TIMP3: variants seen among roughly 807,000 people sequenced by gnomAD.
TIMP3 encodes the protein metalloproteinase inhibitor 3.
TIMP3 carries 11 observed loss-of-function variants against 30.0 expected under a neutral mutation model. The ratio of observed to expected loss-of-function variants is 0.37; its 90% CI spans 0.23 to 0.61. The LOEUF is 0.61. Among genes scored for constraint, TIMP3 ranks in the 20% least tolerant of loss-of-function variants. The pLI, the probability that TIMP3 is intolerant of heterozygous loss-of-function variation, is 0.70. For missense variants in TIMP3, 181 were observed against 276.8 expected, an observed-to-expected ratio of 0.65 and a Z score of 2.45; for synonymous variants, 112 against 111.3, an observed-to-expected ratio of 1.01 and a Z score of -0.04.
chr22:32,814,704 A>G (rs1033936238), intron 1 of TIMP3, among the ~76,000 whole-genome samples: 6 of 152,216 alleles, frequency 3.9e-5, no homozygotes, highest in African/African-American at 1.4e-4. Flanking sequence ...TTTTGTTTCA[A>G]AAAGTTAATT....
Position 32,859,643 on chromosome 22 carries a change from G to T in TIMP3, c.*266G>T. On this transcript the variant is annotated 3_prime_UTR_variant, in exon 5 of 5. Transcript: ENST00000266085. ...CCATGCCAGAAAGAATGAGGAACCT[G>T]TATTCCTCTTCTTCGTGATAATATA... 1 of 494,790 alleles carries T rather than the reference G, an allele frequency of 2.0e-6. No individual in the cohort carries two copies. The highest frequency in any genetic ancestry group is 3.6e-6 in the Non-Finnish European group (1 of 280,074). The allele number at this position is 494,790 out of a possible 1,614,324, so 30.6% of individuals were successfully genotyped here. A position where few individuals can be genotyped will look rare whatever the true frequency, so the allele number is the denominator to read the frequency against.
At chr22:32,820,379 G>T (rs941030380) in intron 1 of TIMP3, among the ~76,000 whole-genome samples, 1 of 130,310 alleles carries the variant, frequency 7.7e-6, no homozygotes, top group Non-Finnish European at 1.7e-5. Flanking sequence ...TGTGTGTGTG[G>T]TGTGTTCTAC....
At chr22:32,832,049 C>A (rs1045387805) in intron 1 of TIMP3, among the ~76,000 whole-genome samples, 5 of 152,166 alleles carry the variant, frequency 3.3e-5, no homozygotes, top group African/African-American at 1.2e-4. Flanking sequence ...GAATGTGCAG[C>A]TGATGGACCA....
intron 1 of TIMP3, among the ~76,000 whole-genome samples, chr22:32,831,208 GT>G (rs1382962238): frequency 1.3e-5 from 2 of 152,138 alleles, no homozygotes; most frequent in Non-Finnish European, 2.9e-5. Context: ...GCTCCTTCCT[GT>G]TTTAAAAACA....
chr22:32,854,355 T>C (rs1022057378), intron 2 of TIMP3, among the ~76,000 whole-genome samples: 2 of 152,062 alleles, frequency 1.3e-5, no homozygotes, highest in African/African-American at 2.4e-5. Flanking sequence ...TTTCGATGAG[T>C]TGAGTTCTTA....
chr22:32,829,394 T>G (rs950816015), intron 1 of TIMP3, among the ~76,000 whole-genome samples: 2 of 152,208 alleles, frequency 1.3e-5, no homozygotes, highest in African/African-American at 4.8e-5. Flanking sequence ...TGGCTCCCAG[T>G]TGGCACTTCA....
chr22:32,830,668 G>A (rs867340272), intron 1 of TIMP3, among the ~76,000 whole-genome samples: 4 of 151,552 alleles, frequency 2.6e-5, no homozygotes, highest in African/African-American at 9.7e-5. Context: ...CCACCCCCCC[G>A]CCCCCGCAAT....
At chr22:32,845,495 T>C (rs2048034985) in intron 1 of TIMP3, among the ~76,000 whole-genome samples, 1 of 152,100 alleles carries the variant, frequency 6.6e-6, no homozygotes, top group Admixed American at 6.5e-5. Context: ...CGGCCAGCCA[T>C]AAACTTTTAA....
intron 1 of TIMP3, among the ~76,000 whole-genome samples, chr22:32,810,884 G>C (rs2046898767): frequency 6.6e-6 from 1 of 152,156 alleles, no homozygotes; most frequent in Non-Finnish European, 1.5e-5. Flanking sequence ...TAAGCTCCCT[G>C]CCTTTTCGAT....
chr22:32,860,487 G>T lies in TIMP3; in HGVS notation c.*1110G>T, dbSNP rs1177526630. 2 of 152,524 alleles carry T rather than the reference G, an allele frequency of 1.3e-5. No individual in the cohort carries two copies. The highest frequency in any genetic ancestry group is 2.9e-5 in the Non-Finnish European group (2 of 68,010). 9.4% of individuals were successfully genotyped at this position (152,524 alleles called of 1,614,324 possible). On this transcript the variant is annotated 3_prime_UTR_variant, in exon 5 of 5. Coordinates refer to ENST00000266085, the MANE Select transcript of TIMP3 (RefSeq NM_000362.5). ...CCAATAGTTTAATCTCTTCTATTTT[G>T]TTGTCGTTGCTTGTTTGAAGAAAAT... is the stretch of plus-strand genomic sequence containing the variant.
Position 32,855,595 on chromosome 22 carries a change from T to A in TIMP3, c.205-1654T>A, listed in dbSNP as rs182037839. Among the ~76,000 whole-genome samples the A allele has an allele frequency of 7.2e-5, 11 of 152,274 alleles. No individual in the cohort carries two copies. The East Asian group carries it at 1.9e-3, about 27-fold the overall frequency. On this transcript the variant is annotated intron_variant, in intron 2 of 4. Transcript: ENST00000266085. ...AATGGGCATAATAGTTCCTACCTCA[T>A]AGGGTTGTCATGGTGATTCGTGGGC...
At chr22:32,857,431 C>T in intron 3 of TIMP3, 71 bp downstream of exon 3, 1 of 1,148,374 alleles carries the variant, frequency 8.7e-7, no homozygotes, top group Non-Finnish European at 1.3e-6. Context: ...CAGAAGAACA[C>T]ATACGGAGTA....
At chr22:32,825,128 C>G (rs1466612019) in intron 1 of TIMP3, among the ~76,000 whole-genome samples, 1 of 151,664 alleles carries the variant, frequency 6.6e-6, no homozygotes, top group Non-Finnish European at 1.5e-5. Context: ...GGGGTAGGGA[C>G]AGGGGCAGTG....
At chr22:32,841,176 C>T (rs992372762) in intron 1 of TIMP3, among the ~76,000 whole-genome samples, 1 of 152,218 alleles carries the variant, frequency 6.6e-6, no homozygotes, top group African/African-American at 2.4e-5. Flanking sequence ...ATGTGCCAGG[C>T]ACTCTTCGGG....
At chr22:32,858,359 G>A (rs1305014875) in intron 4 of TIMP3, among the ~76,000 whole-genome samples, 2 of 152,286 alleles carry the variant, frequency 1.3e-5, no homozygotes, top group Admixed American at 1.3e-4. Context: ...GCTGTAATCG[G>A]CTGCCTCCAT....
At position 32,817,289 on chromosome 22, in the gene TIMP3, C is replaced by T. The variant is rs144257294; in HGVS notation, c.121+15167C>T. 1.2e-4 allele frequency among the ~76,000 whole-genome samples: 18 copies of T among 152,170 alleles called. No individual in the cohort carries two copies. The East Asian group carries it at 3.5e-3, about 29-fold the overall frequency. ...TCTTGGAGAGACATGTGGCTATTAG[C>T]ATAGTAAAAGCTCTGAGAAGTCCTG... On this transcript the variant is annotated intron_variant, in intron 1 of 4. Coordinates refer to ENST00000266085, the MANE Select transcript of TIMP3 (RefSeq NM_000362.5).
At chr22:32,831,439 G>T (rs2047570375) in intron 1 of TIMP3, among the ~76,000 whole-genome samples, 1 of 152,120 alleles carries the variant, frequency 6.6e-6, no homozygotes, top group Non-Finnish European at 1.5e-5. Context: ...AAAGCCAGAT[G>T]ATCAGGGCAG....
chr22:32,851,748 T>G (rs914203278), intron 2 of TIMP3, among the ~76,000 whole-genome samples: 1 of 152,102 alleles, frequency 6.6e-6, no homozygotes, highest in Non-Finnish European at 1.5e-5. Flanking sequence ...CTCCCAAATC[T>G]CCCTGCCATC....
chr22:32,847,776 G>A (rs2048110028), intron 1 of TIMP3, among the ~76,000 whole-genome samples: 1 of 152,166 alleles, frequency 6.6e-6, no homozygotes, highest in Non-Finnish European at 1.5e-5. Flanking sequence ...TGGGCTAAGT[G>A]CAACTTGAGA....
Sources: allele counts gnomAD v4.1 joint callset (sites outside exome capture counted in the v4.1 genomes callset), GRCh38; gene constraint gnomAD v4.1.1; transcripts MANE v1.5; gene names NCBI Gene and HGNC (gene_info 2026-07-23, HGNC 2026-07-21).